Variants in DCAF6 observed in about 807,000 individuals in gnomAD.
The protein encoded by DCAF6 is DDB1- and CUL4-associated factor 6.
DCAF6 carries 54 observed loss-of-function variants against 125.1 expected under a neutral mutation model. The ratio of observed to expected loss-of-function variants is 0.43; its 90% CI spans 0.35 to 0.54. The LOEUF is 0.54. DCAF6 is among the 20% of genes least tolerant of loss of function. The probability of loss-of-function intolerance (pLI) is 0.01; values close to 1 mark genes in which losing one functional copy is unlikely to be tolerated. For synonymous variants in DCAF6, 371 were observed against 390.4 expected (o/e 0.95, Z 0.58); for missense variants, 934 against 1,161.7 (o/e 0.80, Z 2.85).
chr1:167,991,369 GACT>G (rs1680805726), intron 6 of DCAF6, 30 bp downstream of exon 6: 1 of 1,575,670 alleles, frequency 6.3e-7, no homozygotes, highest in Admixed American at 1.9e-5. Flanking sequence ...GAAAATATAG[GACT>G]GTCAGTTCAA....
chr1:167,915,737 C>T, the DCAF6 span, among the ~76,000 whole-genome samples: 3 of 152,192 alleles, frequency 2.0e-5, no homozygotes, highest in Non-Finnish European at 4.4e-5. Flanking sequence ...AGGCATGCAC[C>T]ACCGCGCCTG....
chr1:167,938,790 C>T, intron 1 of DCAF6, among the ~76,000 whole-genome samples: 1 of 152,142 alleles, frequency 6.6e-6, no homozygotes, highest in Non-Finnish European at 1.5e-5. Flanking sequence ...TCAGCTATAT[C>T]TACAAACGAG....
Position 168,059,977 on chromosome 1 carries a change from C to T in DCAF6, c.2301-3644C>T, listed in dbSNP as rs377206568. 7.6e-4 allele frequency among the ~76,000 whole-genome samples: 116 copies of T among 152,216 alleles called. 1 individual carries two copies. The South Asian group carries it at 0.022, about 29-fold the overall frequency. On this transcript the variant is annotated intron_variant, in intron 17 of 21. Transcript: ENST00000367840. Reference sequence around the variant, plus strand: ...CCTTTTACAAAATATCTTTCAGTAACATTTTATTTTTCTGTGAGCAGGTTT... The same window carrying T: ...CCTTTTACAAAATATCTTTCAGTAATATTTTATTTTTCTGTGAGCAGGTTT...
At chr1:167,926,712 A>T in the DCAF6 span, among the ~76,000 whole-genome samples, 1 of 152,228 alleles carries the variant, frequency 6.6e-6, no homozygotes, top group African/African-American at 2.4e-5. Flanking sequence ...AGCCGCTCCC[A>T]GAAAGTAGAG....
chr1:168,008,786 C>G (rs998850107), intron 10 of DCAF6, among the ~76,000 whole-genome samples: 1 of 151,738 alleles, frequency 6.6e-6, no homozygotes, highest in Non-Finnish European at 1.5e-5. Flanking sequence ...AGATGTACTA[C>G]TGATTTCTTT....
At chr1:167,893,872 AT>A in the DCAF6 span, 1 of 1,613,296 alleles carries the variant, frequency 6.2e-7, no homozygotes, top group Non-Finnish European at 8.5e-7. Flanking sequence ...AATGCTTTCC[AT>A]CACATACTTT....
At chr1:168,012,224 G>A (rs1684398252) in intron 10 of DCAF6, among the ~76,000 whole-genome samples, 2 of 152,182 alleles carry the variant, frequency 1.3e-5, no homozygotes, top group Admixed American at 1.3e-4. Flanking sequence ...CAAAAATACT[G>A]TATGTATTGT....
chr1:167,904,040 C>G, the DCAF6 span: 2 of 1,223,256 alleles, frequency 1.6e-6, no homozygotes, highest in Non-Finnish European at 2.4e-6. Flanking sequence ...GGGAATCAAA[C>G]AGAGCCAGAA....
chr1:167,967,690 C>T (rs906570701), intron 3 of DCAF6, among the ~76,000 whole-genome samples: 3 of 147,402 alleles, frequency 2.0e-5, no homozygotes, highest in Non-Finnish European at 4.5e-5. Context: ...TTTTTCTCTC[C>T]TGATTGTCTT....
chr1:167,986,733 C>CTGCTGCTCACTACCTGCTT (rs1680058683), intron 4 of DCAF6, among the ~76,000 whole-genome samples: 1 of 152,246 alleles, frequency 6.6e-6, no homozygotes, highest in African/African-American at 2.4e-5. Context: ...GCTCGCTCAC[C>CTGCTGCTCACTACCTGCTT]TGCTGCTCAC....
At chr1:167,899,733 A>G in the DCAF6 span, 9 of 1,062,674 alleles carry the variant, frequency 8.5e-6, no homozygotes, top group African/African-American at 9.4e-5. Flanking sequence ...ATACTATCTC[A>G]GAGCAAAATC....
At chr1:167,929,080 C>A in the DCAF6 span, among the ~76,000 whole-genome samples, 3 of 152,086 alleles carry the variant, frequency 2.0e-5, no homozygotes, top group Admixed American at 6.6e-5. Flanking sequence ...ACATTTAGGC[C>A]GGGCGTGGTG....
the DCAF6 span, among the ~76,000 whole-genome samples, chr1:167,900,354 T>A: frequency 1.3e-5 from 2 of 152,114 alleles, no homozygotes; most frequent in Admixed American, 1.3e-4. Context: ...ATGTTTGGAC[T>A]TACTCTAAAA....
At chr1:167,933,205 G>A (rs1298833059), upstream of DCAF6, among the ~76,000 whole-genome samples, 3 of 141,418 alleles carry the variant, frequency 2.1e-5, no homozygotes, top group Middle Eastern at 3.8e-3. Context: ...ACCTCGCTCT[G>A]TTGCCAGGCT....
the DCAF6 span, among the ~76,000 whole-genome samples, chr1:167,865,635 A>C: frequency 6.6e-6 from 1 of 152,248 alleles, no homozygotes; most frequent in African/African-American, 2.4e-5. Context: ...AAAACTAATA[A>C]AAATAGGTCC....
the DCAF6 span, chr1:167,924,540 G>GAAAAA: frequency 8.0e-6 from 10 of 1,243,758 alleles, no homozygotes; most frequent in East Asian, 5.7e-5. Flanking sequence ...TCTGGGACCT[G>GAAAAA]AAAAAAAAAA....
At chr1:167,936,618 A>G (rs1571533045), upstream of DCAF6, 1 of 362,860 alleles carries the variant, frequency 2.8e-6, no homozygotes, top group East Asian at 6.2e-5. Flanking sequence ...AGGAGTCGCC[A>G]TCGCCTCCGC....
At chr1:167,975,150 A>T (rs1677956044) in intron 4 of DCAF6, 135 bp downstream of exon 4, 1 of 476,974 alleles carries the variant, frequency 2.1e-6, no homozygotes, top group African/African-American at 2.0e-5. Flanking sequence ...AATTATTGAC[A>T]ATATCTAGGT....
chr1:168,057,942 C>T (rs1691097301), intron 17 of DCAF6, among the ~76,000 whole-genome samples: 1 of 152,194 alleles, frequency 6.6e-6, no homozygotes, highest in African/African-American at 2.4e-5. Context: ...CCTATTTTGT[C>T]CATCTGCCTA....
Sources: allele counts gnomAD v4.1 joint callset (sites outside exome capture counted in the v4.1 genomes callset), GRCh38; gene constraint gnomAD v4.1.1; transcripts MANE v1.5; gene names NCBI Gene and HGNC (gene_info 2026-07-23, HGNC 2026-07-21).